The following SORCS2 variants were observed in gnomAD, a reference collection of about 807,000 sequenced individuals.
SORCS2 encodes VPS10 domain-containing receptor SorCS2.
Under a neutral mutation model 141.6 loss-of-function variants are expected in SORCS2, and 100 were observed. The ratio of observed to expected loss-of-function variants is 0.71; its 90% CI spans 0.60 to 0.83. SORCS2 has a LOEUF of 0.83. SORCS2 is among the 40% of genes least tolerant of loss of function. The pLI is 0.00. For synonymous variants in SORCS2, 789 were observed against 676.9 expected (o/e 1.17, Z -2.57); for missense variants, 1,646 against 1,560.2 (o/e 1.05, Z -0.93).
chr4:7,232,280 A>T (rs1341486048), intron 1 of SORCS2, among the ~76,000 whole-genome samples: 1 of 151,996 alleles, frequency 6.6e-6, no homozygotes, highest in Non-Finnish European at 1.5e-5. Context: ...GAAGGGGGAC[A>T]CCCCAGTGAC....
In SORCS2 at chr4:7,357,773, G is replaced by T. The variant is rs574688518; in HGVS notation, c.481-38515G>T. On this transcript the variant is annotated intron_variant, in intron 1 of 26. Coordinates refer to ENST00000507866, the MANE Select transcript of SORCS2 (RefSeq NM_020777.3). ...CTGGCTGGGGAATGAATGCTGGGGT[G>T]GGGGGAGGTTTCTCATTTCAATCCC... 7.7e-4 allele frequency among the ~76,000 whole-genome samples: 118 copies of T among 152,264 alleles called. No individual in the cohort carries two copies. The Middle Eastern group carries it at 0.014, about 18-fold the overall frequency.
rs748747383 is a variant in SORCS2, at chr4:7,347,371, G to A, written c.481-48917G>A. Among the ~76,000 whole-genome samples the A allele has an allele frequency of 4.6e-5, 7 of 152,306 alleles. No homozygotes were observed. The East Asian group carries it at 5.8e-4, about 13-fold the overall frequency. ...ATAGAATTCCCATGGGCCACGCCTC[G>A]TGCCGGATGTCAAGGACATATCAGT... is the stretch of plus-strand genomic sequence containing the variant. On this transcript the variant is annotated intron_variant, in intron 1 of 26. Transcript: ENST00000507866.
In SORCS2 at chr4:7,733,327, C is replaced by T. The variant is rs761900207; in HGVS notation, c.3114C>T (p.Leu1038=). 2.1e-5 allele frequency: 33 copies of T among 1,548,174 alleles called. No individual in the cohort carries two copies. The highest frequency in any genetic ancestry group is 3.6e-5 in the South Asian group (3 of 82,552). Reference sequence around the variant, plus strand: ...TGTCCCCTCTGTGCTTGCAGAGGCTCGCCGCCATCCAGCAGGTGCTGAACG... The same window carrying T: ...TGTCCCCTCTGTGCTTGCAGAGGCTTGCCGCCATCCAGCAGGTGCTGAACG... The part of the protein sequence containing the change: ...RKRSLSSDKR[L]AAIQQVLNAQ... Residue 1038 remains leucine, a synonymous_variant, in exon 24 of 27, where the codon CTC becomes CTT. Coordinates refer to ENST00000507866, the MANE Select transcript of SORCS2 (RefSeq NM_020777.3).
chr4:7,344,547 G>C (rs1160559563), intron 1 of SORCS2, among the ~76,000 whole-genome samples: 1 of 152,248 alleles, frequency 6.6e-6, no homozygotes, highest in African/African-American at 2.4e-5. Context: ...CCCCATCAGG[G>C]GCTGGGAATT....
At chr4:7,340,710 A>G (rs1010137484) in intron 1 of SORCS2, among the ~76,000 whole-genome samples, 2 of 152,238 alleles carry the variant, frequency 1.3e-5, no homozygotes, top group African/African-American at 2.4e-5. Flanking sequence ...ACTTGCAGCT[A>G]GAAGGCAAGA....
intron 1 of SORCS2, among the ~76,000 whole-genome samples, chr4:7,252,614 C>T (rs1713581987): frequency 6.6e-6 from 1 of 152,128 alleles, no homozygotes; most frequent in Non-Finnish European, 1.5e-5. Context: ...TCTTTATTAG[C>T]TCCACCTTCA....
rs953364295 is a variant in SORCS2 at position 7,212,017 on chromosome 4, G to A, written c.480+18891G>A. Reference sequence around the variant, plus strand: ...ATCTGTGTGGCTAAATCCCCTCGGTGGCCTGAATTTCCATGGCTGCCCCAC... The same window carrying A: ...ATCTGTGTGGCTAAATCCCCTCGGTAGCCTGAATTTCCATGGCTGCCCCAC... On this transcript the variant is annotated intron_variant, in intron 1 of 26. Coordinates refer to ENST00000507866, the MANE Select transcript of SORCS2 (RefSeq NM_020777.3). Among the ~76,000 whole-genome samples the A allele has an allele frequency of 2.0e-5, 3 of 152,212 alleles. No individual in the cohort carries two copies. The East Asian group carries it at 5.8e-4, about 29-fold the overall frequency.
chr4:7,679,318 C>T (rs904319678), intron 9 of SORCS2, among the ~76,000 whole-genome samples: 2 of 152,170 alleles, frequency 1.3e-5, no homozygotes, highest in South Asian at 4.1e-4. Flanking sequence ...CCCCAAGGAG[C>T]CCTGGCCACA....
At chr4:7,539,420 G>A (rs12504682) in intron 3 of SORCS2, among the ~76,000 whole-genome samples, 89,855 of 152,120 alleles carry the variant, frequency 0.59, 31,028 homozygotes, top group East Asian at 0.87. Context: ...GCCCATGTCC[G>A]CTTCCTGTGG....
intron 2 of SORCS2, among the ~76,000 whole-genome samples, chr4:7,527,623 T>C (rs73082881): frequency 0.041 from 6,226 of 152,222 alleles, 318 homozygotes; most frequent in African/African-American, 0.12. Context: ...AGATAATGAA[T>C]GTGGCTGGTT....
intron 18 of SORCS2, 94 bp downstream of exon 18, chr4:7,718,277 C>T: frequency 7.0e-7 from 1 of 1,427,486 alleles, no homozygotes; most frequent in African/African-American, 1.4e-5. Flanking sequence ...GTCTCCTCCA[C>T]CTAGAAGTGG....
At chr4:7,737,996 G>A (rs1712333905) in intron 26 of SORCS2, among the ~76,000 whole-genome samples, 1 of 152,264 alleles carries the variant, frequency 6.6e-6, no homozygotes, top group South Asian at 2.1e-4. Context: ...TGACTTCCAA[G>A]AGCATGTGGA....
chr4:7,682,914 C>A (rs4689820), intron 10 of SORCS2, 25 bp downstream of exon 10: 994,596 of 1,605,982 alleles, frequency 0.62, 309,686 homozygotes, highest in East Asian at 0.65. Flanking sequence ...TCACATCACA[C>A]ACCATCCTTG....
intron 4 of SORCS2, among the ~76,000 whole-genome samples, chr4:7,640,764 G>C (rs1560448833): frequency 1.3e-5 from 2 of 152,086 alleles, no homozygotes; most frequent in Non-Finnish European, 2.9e-5. Flanking sequence ...GGAGGTGTGG[G>C]CTCCACAGTT....
rs1482733956 is a variant in SORCS2 at position 7,695,599 on chromosome 4, G to GAT, written c.1592-1599_1592-1598insAT. Among the ~76,000 whole-genome samples, 221 of 55,680 alleles carry GAT rather than the reference G, an allele frequency of 4.0e-3. 29 individuals carry two copies. The highest frequency in any genetic ancestry group is 5.3e-3 in the Non-Finnish European group (149 of 27,912). 36.5% of individuals were successfully genotyped at this position (55,680 alleles called of 152,430 possible). On this transcript the variant is annotated intron_variant, in intron 11 of 26. Coordinates refer to ENST00000507866, the MANE Select transcript of SORCS2 (RefSeq NM_020777.3). ...GGATGGATGGATTGGTGGGTGGGTGGGTGGATGGATGGATGGATGGATGGA... is the reference window on the plus strand; with the variant it reads ...GGATGGATGGATTGGTGGGTGGGTGGATGTGGATGGATGGATGGATGGATGGA...
At chr4:7,402,763 G>A (rs1724679202) in intron 2 of SORCS2, among the ~76,000 whole-genome samples, 1 of 152,170 alleles carries the variant, frequency 6.6e-6, no homozygotes, top group Admixed American at 6.5e-5. Flanking sequence ...TCAAGTGGGT[G>A]TGAGATTACA....
At chr4:7,644,886 G>GT (rs1406615813) in intron 4 of SORCS2, among the ~76,000 whole-genome samples, 1 of 152,210 alleles carries the variant, frequency 6.6e-6, no homozygotes, top group Non-Finnish European at 1.5e-5. Context: ...CAGTAACTGG[G>GT]CTGTCCCGGA....
At chr4:7,212,240 C>T (rs1273213550) in intron 1 of SORCS2, among the ~76,000 whole-genome samples, 1 of 152,206 alleles carries the variant, frequency 6.6e-6, no homozygotes, top group African/African-American at 2.4e-5. Flanking sequence ...CACAGGTCAG[C>T]ATGTGGTTGT....
chr4:7,403,279 A>C (rs1449465316), intron 2 of SORCS2, among the ~76,000 whole-genome samples: 1 of 152,148 alleles, frequency 6.6e-6, no homozygotes, highest in Admixed American at 6.5e-5. Context: ...GGTCTGCTTC[A>C]TATCTGTTTA....
Sources: gnomAD v4.1 joint callset for allele counts (sites outside exome capture counted in the v4.1 genomes callset) on GRCh38, gnomAD v4.1.1 for gene constraint, MANE v1.5 for transcripts, NCBI Gene and HGNC (gene_info 2026-07-23, HGNC 2026-07-21) for gene names.